The following BMP7 variants were observed in gnomAD, a reference collection of about 807,000 sequenced individuals.
BMP7 encodes osteogenic protein 1.
BMP7 carries 12 observed loss-of-function variants against 41.2 expected under a neutral mutation model. The observed-to-expected ratio is 0.29, with a 90% confidence interval of 0.19 to 0.47. The LOEUF is 0.47. BMP7 is among the 20% of genes least tolerant of loss of function. The pLI is 0.99. For missense variants in BMP7, 467 were observed against 606.0 expected (o/e 0.77, Z 2.41); for synonymous variants, 248 against 250.0 (o/e 0.99, Z 0.07).
chr20:57,232,220 T>C (rs1184850869), intron 1 of BMP7, among the ~76,000 whole-genome samples: 2 of 152,170 alleles, frequency 1.3e-5, no homozygotes, highest in Non-Finnish European at 2.9e-5. Context: ...CTGGAGATAG[T>C]AACAATGGCC....
rs577549917 is a variant in BMP7, at chr20:57,202,179, G to T, written c.760+296C>A. Among the ~76,000 whole-genome samples, 4 of 152,278 alleles carry T rather than the reference G, an allele frequency of 2.6e-5. No individual in the cohort carries two copies. The East Asian group carries it at 7.7e-4, about 29-fold the overall frequency. ...GCAGGTTCTGATGCAGCAGGTCTGG[G>T]GTGGGCCCAGGATTCTGCATTTCTC... is the stretch of plus-strand genomic sequence containing the variant. On this transcript the variant is annotated intron_variant, in intron 3 of 6. Coordinates refer to ENST00000395863, the MANE Select transcript of BMP7 (RefSeq NM_001719.3).
intron 1 of BMP7, among the ~76,000 whole-genome samples, chr20:57,257,096 C>T (rs1299971785): frequency 6.6e-6 from 1 of 152,188 alleles, no homozygotes; most frequent in Non-Finnish European, 1.5e-5. Flanking sequence ...AGGGACTCTG[C>T]TGCCACCAAT....
intron 1 of BMP7, among the ~76,000 whole-genome samples, chr20:57,245,271 G>A (rs2066085351): frequency 6.6e-6 from 1 of 151,960 alleles, no homozygotes; most frequent in Non-Finnish European, 1.5e-5. Context: ...AAATTGCATG[G>A]TTGTCCTTTA....
rs1368718237 is a variant in BMP7 at position 57,265,010 on chromosome 20, G to A, written c.418+695C>T. On this transcript the variant is annotated intron_variant, in intron 1 of 6. Transcript: ENST00000395863. ...CGCGCCATTGCACTCCAGACTGGGC[G>A]ACAAGAGTGAAACTCCGTCTCAAAA... Among the ~76,000 whole-genome samples, 10 of 117,894 alleles carry A rather than the reference G, an allele frequency of 8.5e-5. 1 individual carries two copies. The highest frequency in any genetic ancestry group is 3.1e-4 in the African/African-American group (9 of 29,120). 77.3% of individuals were successfully genotyped at this position (117,894 alleles called of 152,430 possible).
chr20:57,187,375 C>T (rs1984237819), intron 3 of BMP7, among the ~76,000 whole-genome samples: 1 of 152,210 alleles, frequency 6.6e-6, no homozygotes, highest in South Asian at 2.1e-4. Context: ...CCTTACATAG[C>T]CTCCACCCTG....
chr20:57,216,881 A>G (rs1358177414), intron 2 of BMP7, among the ~76,000 whole-genome samples: 1 of 152,110 alleles, frequency 6.6e-6, no homozygotes, highest in Non-Finnish European at 1.5e-5. Context: ...TGCTGTCTAC[A>G]TTCATGGCAG....
intron 1 of BMP7, among the ~76,000 whole-genome samples, chr20:57,235,297 C>T (rs1363863601): frequency 6.6e-6 from 1 of 152,136 alleles, no homozygotes; most frequent in African/African-American, 2.4e-5. Flanking sequence ...GGAGAGTTTA[C>T]AGTTTGAGAC....
At chr20:57,230,088 G>A (rs1182968709) in intron 1 of BMP7, among the ~76,000 whole-genome samples, 1 of 152,174 alleles carries the variant, frequency 6.6e-6, no homozygotes, top group African/African-American at 2.4e-5. Context: ...ACAGCTGCTA[G>A]AATCCTGGGC....
At chr20:57,244,560 A>C (rs1839801611) in intron 1 of BMP7, among the ~76,000 whole-genome samples, 1 of 152,242 alleles carries the variant, frequency 6.6e-6, no homozygotes, top group Non-Finnish European at 1.5e-5. Context: ...GGCTCTGCCA[A>C]TCACCAGCAG....
At chr20:57,183,054 G>C (rs1429293950) in intron 4 of BMP7, among the ~76,000 whole-genome samples, 1 of 152,158 alleles carries the variant, frequency 6.6e-6, no homozygotes, top group Non-Finnish European at 1.5e-5. Flanking sequence ...GACCGACATG[G>C]TGAAACCCCG....
At chr20:57,265,042 A>AAAAAAAAAAAAG (rs1555819055) in intron 1 of BMP7, among the ~76,000 whole-genome samples, 9 of 120,156 alleles carry the variant, frequency 7.5e-5, no homozygotes, top group African/African-American at 1.1e-4. Flanking sequence ...AAAAAAAAAA[A>AAAAAAAAAAAAG]AAAAGAAAAG....
At position 57,219,684 on chromosome 20, in the gene BMP7, G is replaced by A. The variant is rs539792274; in HGVS notation, c.611+8545C>T. ...GTATAAACACTTCAGCTCTCTTGAC[G>A]GGACTAGGATGAGGGTGCAACTTTG... is the stretch of plus-strand genomic sequence containing the variant. On this transcript the variant is annotated intron_variant, in intron 2 of 6. Transcript: ENST00000395863. Among the ~76,000 whole-genome samples the A allele has an allele frequency of 6.6e-5, 10 of 152,226 alleles. No homozygotes were observed. The South Asian group carries it at 8.3e-4, about 13-fold the overall frequency.
rs370363790 is a variant in BMP7, at chr20:57,265,735, C to T, written c.388G>A (p.Ala130Thr). 2.5e-6 allele frequency: 4 copies of T among 1,609,336 alleles called. No individual in the cohort carries two copies. The African/African-American group carries it at 4.0e-5, about 16-fold the overall frequency. ...TTGACGAAGCTCATGACCATGTCGG[C>T]GTCGGTGAGGAAATGGCTATCTTGC... is the stretch of plus-strand genomic sequence containing the variant. ...SLQDSHFLTD[A>T]DMVMSFVNLV... Residue 130 changes from alanine to threonine, a missense_variant, in exon 1 of 7, where the codon GCC (alanine) becomes ACC (threonine). Coordinates refer to ENST00000395863, the MANE Select transcript of BMP7 (RefSeq NM_001719.3).
At position 57,265,780 on chromosome 20, in the gene BMP7, C is replaced by T. The variant is rs2066174599; in HGVS notation, c.343G>A (p.Gly115Ser). Residue 115 changes from glycine (G) to serine (S), a missense_variant, in exon 1 of 7, where the codon GGC becomes AGC. Around this residue, in one of 2 missense-constraint regions of BMP7, gnomAD observed 407 missense variants for 485.9 expected, o/e 0.84. Coordinates refer to ENST00000395863, the MANE Select transcript of BMP7 (RefSeq NM_001719.3). ...YPYKAVFSTQGPPLASLQDSH... is the reference protein window; with the variant it reads ...YPYKAVFSTQSPPLASLQDSH... ...TCTTGCAGGCTGGCCAGAGGGGGGC[C>T]CTGGGTACTGAAGACGGCCTTGTAG... 1.2e-6 allele frequency: 2 copies of T among 1,610,450 alleles called. No individual in the cohort carries two copies. Among genetic ancestry groups the T allele is most frequent in the Non-Finnish European group, 1.7e-6 (2 of 1,178,726 alleles).
chr20:57,200,872 C>T (rs1984602916), intron 3 of BMP7, among the ~76,000 whole-genome samples: 1 of 152,214 alleles, frequency 6.6e-6, no homozygotes, highest in African/African-American at 2.4e-5. Flanking sequence ...ACGACCTACA[C>T]ACCAAGGTTT....
At chr20:57,218,517 G>A (rs1008457763) in intron 2 of BMP7, among the ~76,000 whole-genome samples, 1 of 151,876 alleles carries the variant, frequency 6.6e-6, no homozygotes, top group East Asian at 1.9e-4. Context: ...GGTAGCTGGT[G>A]TTCGGAGGTA....
At chr20:57,262,474 C>T (rs2066157981) in intron 1 of BMP7, among the ~76,000 whole-genome samples, 1 of 152,200 alleles carries the variant, frequency 6.6e-6, no homozygotes, top group Admixed American at 6.5e-5. Context: ...GTAAATTCCC[C>T]TCTAGTTTCC....
rs118159647 is a variant in BMP7, at chr20:57,187,333, T to G, written c.761-3414A>C. ...ACTCATCTGTCCCCCCTTTCCGTGATAGCCAACCGGATTTTCATTAAGGCA... is the reference window on the plus strand; with the variant it reads ...ACTCATCTGTCCCCCCTTTCCGTGAGAGCCAACCGGATTTTCATTAAGGCA... On this transcript the variant is annotated intron_variant, in intron 3 of 6. Transcript: ENST00000395863. Among the ~76,000 whole-genome samples, 1,459 of 152,336 alleles carry G rather than the reference T, an allele frequency of 9.6e-3. 13 individuals carry two copies. The highest frequency in any genetic ancestry group is 0.031 in the Middle Eastern group (9 of 294).
rs1983800991 is a variant in BMP7, at chr20:57,170,889, T to C, written c.*70A>G. The C allele has an allele frequency of 1.3e-6, 2 of 1,590,672 alleles. No homozygotes were observed. Among genetic ancestry groups the C allele is most frequent in the Non-Finnish European group, 1.7e-6 (2 of 1,168,864 alleles). On this transcript the variant is annotated 3_prime_UTR_variant, in exon 7 of 7. Transcript: ENST00000395863. The stretch of plus-strand genomic sequence containing the variant: ...TCACAAAAGGCAGTTGGTCTGCTGG[T>C]TCCTGGCCAAGGCGAGCAATGGAGG...
Sources: allele counts gnomAD v4.1 joint callset (sites outside exome capture counted in the v4.1 genomes callset), GRCh38; gene constraint gnomAD v4.1.1; regional missense constraint gnomAD v4.1.1; transcripts MANE v1.5; gene names NCBI Gene and HGNC (gene_info 2026-07-23, HGNC 2026-07-21).